The following UVRAG variants were observed in gnomAD, a reference collection of about 807,000 sequenced individuals.
UVRAG encodes the protein UV radiation resistance-associated gene protein.
A neutral mutation model predicts 78.0 loss-of-function variants in UVRAG; 19 were observed. The observed-to-expected ratio is 0.24, with a 90% CI of 0.17 to 0.36. UVRAG has a LOEUF of 0.36. UVRAG is among the 10% of genes least tolerant of loss of function. The pLI, the probability that UVRAG is intolerant of heterozygous loss-of-function variation, is 1.00. For missense variants in UVRAG, 740 were observed against 853.8 expected, an observed-to-expected ratio of 0.87 and a Z score of 1.66; for synonymous variants, 323 against 324.6, an observed-to-expected ratio of 1.00 and a Z score of 0.05.
chr11:76,009,166 G>T (rs1950004958), intron 11 of UVRAG, among the ~76,000 whole-genome samples: 1 of 152,066 alleles, frequency 6.6e-6, no homozygotes, highest in African/African-American at 2.4e-5. Context: ...CTTTTGGTTT[G>T]ATTTTTATGA....
Position 76,065,699 on chromosome 11 carries a change from AC to A in UVRAG, c.1227-9del, listed in dbSNP as rs761022776. 74 of 1,612,416 alleles carry A rather than the reference AC, an allele frequency of 4.6e-5. No homozygotes were observed. The East Asian group carries it at 7.6e-4, about 17-fold the overall frequency. On this transcript the variant is annotated splice_polypyrimidine_tract_variant and intron_variant, in intron 12 of 14. Transcript: ENST00000356136. ...TTTTGAAAATATCTGATCCTTTTTT[AC>A]CTTTCTTAGGTTTCCACTGTATCCA...
intron 12 of UVRAG, among the ~76,000 whole-genome samples, chr11:76,018,003 C>T (rs1174143677): frequency 6.6e-6 from 1 of 151,962 alleles, no homozygotes; most frequent in Non-Finnish European, 1.5e-5. Context: ...TTCATTTTGA[C>T]TATAAATAAA....
intron 1 of UVRAG, among the ~76,000 whole-genome samples, chr11:75,838,288 T>C (rs1945829238): frequency 6.6e-6 from 1 of 152,192 alleles, no homozygotes; most frequent in Admixed American, 6.5e-5. Context: ...TACATCATAT[T>C]GCTGAATCAA....
chr11:76,009,406 A>G (rs1950009119), intron 11 of UVRAG, among the ~76,000 whole-genome samples: 1 of 152,188 alleles, frequency 6.6e-6, no homozygotes, highest in Non-Finnish European at 1.5e-5. Flanking sequence ...AGTAATTTCT[A>G]TATTTTAAAA....
rs1188611171 is a variant in UVRAG, at chr11:76,004,086, A to G, written c.908A>G (p.Lys303Arg). 1 of 1,613,816 alleles carries G rather than the reference A, an allele frequency of 6.2e-7. No homozygotes were observed. The highest frequency in any genetic ancestry group is 2.2e-5 in the East Asian group (1 of 44,876). ...LNELRKECTA[K>R]RELFLKTNAQ... ...GAGCTGAGGAAGGAGTGCACTGCAA[A>G]AAGGTAAATGCACACTGAGAAGAAT... Residue 303 changes from lysine (K) to arginine (R), a missense_variant, in exon 9 of 15, where the codon AAA (lysine) becomes AGA (arginine). By Grantham distance (26) the Lys-to-Arg change is conservative (BLOSUM62 2). Transcript: ENST00000356136.
At chr11:75,886,971 GTT>G (rs1192697394) in intron 4 of UVRAG, among the ~76,000 whole-genome samples, 2 of 133,774 alleles carry the variant, frequency 1.5e-5, no homozygotes, top group Non-Finnish European at 3.3e-5. Context: ...CCTTAATTTT[GTT>G]TTTTTTTTTT....
chr11:75,973,225 TA>T (rs1949160879), intron 7 of UVRAG, among the ~76,000 whole-genome samples: 1 of 152,250 alleles, frequency 6.6e-6, no homozygotes, highest in East Asian at 1.9e-4. Flanking sequence ...TTTTCCTAGT[TA>T]GCTGAAAGTT....
At chr11:76,007,448 T>G (rs1949966881) in intron 9 of UVRAG, 86 bp from the exon 10 acceptor site, 2 of 1,062,528 alleles carry the variant, frequency 1.9e-6, no homozygotes, top group East Asian at 5.1e-5. Context: ...GTATAATCTT[T>G]CTTTGGATTA....
intron 14 of UVRAG, among the ~76,000 whole-genome samples, chr11:76,126,163 G>A (rs1591265084): frequency 1.3e-5 from 2 of 151,856 alleles, no homozygotes; most frequent in Non-Finnish European, 2.9e-5. Flanking sequence ...GGATGGTCTC[G>A]ATCTCCTGAC....
At chr11:76,064,347 C>T (rs1351587161) in intron 12 of UVRAG, among the ~76,000 whole-genome samples, 1 of 152,184 alleles carries the variant, frequency 6.6e-6, no homozygotes, top group Non-Finnish European at 1.5e-5. Flanking sequence ...GCAAATACGT[C>T]GTTTCTTTGC....
chr11:75,933,859 G>C (rs988421129), intron 6 of UVRAG, among the ~76,000 whole-genome samples: 2 of 152,142 alleles, frequency 1.3e-5, no homozygotes, highest in African/African-American at 4.8e-5. Context: ...AACAAATACT[G>C]GTGAGGAGGT....
At chr11:76,139,315 C>T (rs868418643) in intron 14 of UVRAG, among the ~76,000 whole-genome samples, 161 of 152,288 alleles carry the variant, frequency 1.1e-3, no homozygotes, top group African/African-American at 3.8e-3. Context: ...CTTTTCTTTT[C>T]TAGGGCACTT....
Position 76,140,996 on chromosome 11 carries a change from CAAG to C in UVRAG, c.1686_1688del (p.Lys564del). 1.2e-6 allele frequency: 2 copies of C among 1,613,950 alleles called. No homozygotes were observed. The highest frequency in any genetic ancestry group is 1.7e-6 in the Non-Finnish European group (2 of 1,179,966). On this transcript the variant is annotated inframe_deletion, in exon 15 of 15. Transcript: ENST00000356136. ...CCTCCTTGGACTTCTCCAAAGAAAA[CAAG>C]AAAAAAGGAGAGGATCTAGTTGGCA...
chr11:75,920,008 G>GGTT (rs1947940775), intron 6 of UVRAG, among the ~76,000 whole-genome samples: 2 of 55,462 alleles, frequency 3.6e-5, no homozygotes, highest in African/African-American at 1.2e-4. Flanking sequence ...AATAATTTTG[G>GGTT]TTTTTTTTTT....
At chr11:76,053,480 A>C (rs569672629) in intron 12 of UVRAG, among the ~76,000 whole-genome samples, 7 of 152,156 alleles carry the variant, frequency 4.6e-5, no homozygotes, top group Admixed American at 2.0e-4. Context: ...GTAACAATCA[A>C]TCCATCACAA....
intron 13 of UVRAG, among the ~76,000 whole-genome samples, chr11:76,070,373 A>C (rs1411799704): frequency 6.6e-6 from 1 of 152,164 alleles, no homozygotes; most frequent in South Asian, 2.1e-4. Flanking sequence ...AAGTCTAGGG[A>C]TATAATATAC....
intron 2 of UVRAG, among the ~76,000 whole-genome samples, chr11:75,857,114 G>A (rs1946308049): frequency 6.6e-6 from 1 of 152,168 alleles, no homozygotes; most frequent in African/African-American, 2.4e-5. Flanking sequence ...TGAAGTAGAC[G>A]TTTAACAGGT....
chr11:76,010,241 A>G (rs185223425), intron 11 of UVRAG, among the ~76,000 whole-genome samples: 2 of 152,338 alleles, frequency 1.3e-5, no homozygotes, highest in East Asian at 1.9e-4. Context: ...AACATTATTC[A>G]TTGAAAAAAA....
intron 1 of UVRAG, among the ~76,000 whole-genome samples, chr11:75,815,937 A>G (rs1945255813): frequency 6.6e-6 from 1 of 152,126 alleles, no homozygotes; most frequent in African/African-American, 2.4e-5. Flanking sequence ...TTCTTTCCCC[A>G]CCTGGCCATC....
Sources: gnomAD v4.1 joint callset for allele counts (sites outside exome capture counted in the v4.1 genomes callset) on GRCh38, gnomAD v4.1.1 for gene constraint, MANE v1.5 for transcripts, NCBI Gene and HGNC (gene_info 2026-07-23, HGNC 2026-07-21) for gene names.